Variants in SLC37A3 observed in about 807,000 individuals in gnomAD.
SLC37A3 encodes sugar phosphate exchanger 3.
Under a neutral mutation model 67.1 loss-of-function variants are expected in SLC37A3, and 51 were observed. The ratio of observed to expected loss-of-function variants is 0.76; its 90% confidence interval spans 0.61 to 0.96. SLC37A3 has a LOEUF of 0.96. Among genes scored for constraint, SLC37A3 ranks in the 40% least tolerant of loss-of-function variants. The pLI is 0.00. For missense variants in SLC37A3, 508 were observed against 603.0 expected (o/e 0.84, Z 1.65); for synonymous variants, 214 against 231.4 (o/e 0.92, Z 0.68).
Position 140,355,992 on chromosome 7 carries a change from C to T in SLC37A3, c.522-228G>A, listed in dbSNP as rs187523036. Among the ~76,000 whole-genome samples, 137 of 151,932 alleles carry T rather than the reference C, an allele frequency of 9.0e-4. 1 individual carries two copies. In the East Asian group the frequency reaches 0.017, roughly 19 times the overall value. The stretch of plus-strand genomic sequence containing the variant: ...GACAGATCACCTGAGGTCAGGAGTT[C>T]GAGACCAGCCTGACCAACATGGAGA... On this transcript the variant is annotated intron_variant, in intron 6 of 14. Coordinates refer to ENST00000326232, the MANE Select transcript of SLC37A3 (RefSeq NM_207113.3).
chr7:140,378,804 A>T (rs866434255), intron 3 of SLC37A3, among the ~76,000 whole-genome samples: 9 of 151,842 alleles, frequency 5.9e-5, no homozygotes, highest in Middle Eastern at 3.4e-3. Flanking sequence ...TACCAACACT[A>T]TGGGGAGGCC....
Position 140,369,596 on chromosome 7 carries a change from A to G in SLC37A3, c.285T>C (p.Tyr95=), listed in dbSNP as rs752502203. The G allele has an allele frequency of 9.9e-6, 16 of 1,613,914 alleles. No homozygotes were observed. The highest frequency in any genetic ancestry group is 1.2e-5 in the Non-Finnish European group (14 of 1,179,854). ...CTAGAGTTCCAAAACTTACCACAGCATAGGAGAAGAGGAAAATGGTATCCA... is the reference window on the plus strand; with the variant it reads ...CTAGAGTTCCAAAACTTACCACAGCGTAGGAGAAGAGGAAAATGGTATCCA... ...GTLDTIFLFS[Y]AVGLFISGIV... is the part of the protein sequence containing the mutation. Residue 95 remains tyrosine (Y), a synonymous_variant, in exon 4 of 15, where the codon TAT becomes TAC. Transcript: ENST00000326232.
At chr7:140,346,842 C>T (rs767972787) in intron 10 of SLC37A3, among the ~76,000 whole-genome samples, 9 of 152,024 alleles carry the variant, frequency 5.9e-5, no homozygotes, top group African/African-American at 9.7e-5. Context: ...TGTGGTGAAC[C>T]GTATCGTGCT....
intron 3 of SLC37A3, 92 bp downstream of exon 3, chr7:140,380,190 G>A (rs557350412): frequency 2.7e-5 from 18 of 668,050 alleles, no homozygotes; most frequent in African/African-American, 2.4e-4. Flanking sequence ...CAGAGTCTAG[G>A]CAAGTAAAAG....
intron 1 of SLC37A3, among the ~76,000 whole-genome samples, chr7:140,393,992 G>A (rs1010883226): frequency 6.6e-6 from 1 of 152,034 alleles, no homozygotes; most frequent in African/African-American, 2.4e-5. Context: ...GCAATATGGT[G>A]AAACCCTGTC....
chr7:140,357,692 G>A (rs567441793), intron 6 of SLC37A3, among the ~76,000 whole-genome samples: 11 of 152,008 alleles, frequency 7.2e-5, no homozygotes, highest in South Asian at 4.1e-4. Context: ...TGAGGCGGGC[G>A]AAATCACCTG....
Position 140,346,086 on chromosome 7 carries a change from A to C in SLC37A3, c.1025-116T>G, listed in dbSNP as rs376630981. On this transcript the variant is annotated intron_variant, in intron 10 of 14. Coordinates refer to ENST00000326232, the MANE Select transcript of SLC37A3 (RefSeq NM_207113.3). ...CAGCAGCCTGACACTAGTCTATCAA[A>C]AAATATGGCTGGGCCGGGCTCGGTG... 1.1e-4 allele frequency: 79 copies of C among 742,112 alleles called. No individual in the cohort carries two copies. In the African/African-American group the frequency reaches 1.2e-3, roughly 11 times the overall value. The allele number at this position is 742,112 out of a possible 1,614,324, so 46.0% of individuals were successfully genotyped here.
intron 3 of SLC37A3, among the ~76,000 whole-genome samples, chr7:140,373,719 G>A (rs1797913375): frequency 6.8e-6 from 1 of 146,682 alleles, no homozygotes; most frequent in Non-Finnish European, 1.5e-5. Flanking sequence ...ATGTCACCCA[G>A]GCTGCTCTTG....
intron 9 of SLC37A3, among the ~76,000 whole-genome samples, chr7:140,350,275 G>A (rs1432041677): frequency 2.0e-5 from 3 of 152,188 alleles, no homozygotes; most frequent in African/African-American, 7.2e-5. Context: ...CAGAAAGTTA[G>A]TGGGTAAGCT....
Position 140,389,659 on chromosome 7 carries a change from G to A in SLC37A3, c.-70-7063C>T, listed in dbSNP as rs1031159653. Among the ~76,000 whole-genome samples, 10 of 152,282 alleles carry A rather than the reference G, an allele frequency of 6.6e-5. No homozygotes were observed. In the East Asian group the frequency reaches 1.9e-3, roughly 29 times the overall value. On this transcript the variant is annotated intron_variant, in intron 1 of 14. Coordinates refer to ENST00000326232, the MANE Select transcript of SLC37A3 (RefSeq NM_207113.3). ...AGGCAGCAGGCAAGGTGAACCCACT[G>A]GGCGGTTACAATAGTGCGCAATCAC... is the stretch of plus-strand genomic sequence containing the variant.
intron 14 of SLC37A3, 150 bp from the exon 15 acceptor site, chr7:140,335,654 T>C: frequency 9.4e-7 from 1 of 1,064,544 alleles, no homozygotes; most frequent in Non-Finnish European, 1.3e-6. Context: ...AGAAAATGAT[T>C]TTGAAAATTA....
intron 9 of SLC37A3, among the ~76,000 whole-genome samples, chr7:140,350,787 A>T (rs1341582379): frequency 1.3e-5 from 2 of 151,372 alleles, no homozygotes; most frequent in Non-Finnish European, 2.9e-5. Flanking sequence ...AATAAATAAA[A>T]AATAAAAGGG....
At chr7:140,363,768 AAGG>A (rs1260423406) in intron 5 of SLC37A3, among the ~76,000 whole-genome samples, 1 of 144,420 alleles carries the variant, frequency 6.9e-6, no homozygotes, top group Non-Finnish European at 1.5e-5. Flanking sequence ...AAAAAAAAGA[AAGG>A]AGCGGGATGT....
At chr7:140,357,939 G>T (rs1020308994) in intron 6 of SLC37A3, among the ~76,000 whole-genome samples, 4 of 151,726 alleles carry the variant, frequency 2.6e-5, no homozygotes, top group African/African-American at 9.7e-5. Flanking sequence ...AGCTGGACAT[G>T]GTGGTACACA....
At chr7:140,355,058 T>C (rs1047730663) in intron 7 of SLC37A3, among the ~76,000 whole-genome samples, 4 of 151,756 alleles carry the variant, frequency 2.6e-5, no homozygotes, top group Non-Finnish European at 4.4e-5. Context: ...ATTAGTCCTT[T>C]ATCTGTAACA....
At chr7:140,389,513 C>T (rs974253612) in intron 1 of SLC37A3, among the ~76,000 whole-genome samples, 1 of 152,158 alleles carries the variant, frequency 6.6e-6, no homozygotes, top group African/African-American at 2.4e-5. Context: ...ACTCTGATCC[C>T]CGACTGCTCG....
At chr7:140,358,535 G>T in intron 6 of SLC37A3, 105 bp downstream of exon 6, 1 of 1,448,064 alleles carries the variant, frequency 6.9e-7, no homozygotes, top group Non-Finnish European at 9.5e-7. Flanking sequence ...AACGAAAGAT[G>T]TGGGTGGTAT....
intron 3 of SLC37A3, among the ~76,000 whole-genome samples, chr7:140,375,823 C>T (rs755221057): frequency 1.4e-4 from 22 of 152,196 alleles, no homozygotes; most frequent in Non-Finnish European, 2.6e-4. Context: ...TGCATTCTAT[C>T]GAAGATGAGA....
chr7:140,353,898 G>A (rs1315388717), intron 7 of SLC37A3, among the ~76,000 whole-genome samples: 1 of 152,112 alleles, frequency 6.6e-6, no homozygotes, highest in Non-Finnish European at 1.5e-5. Flanking sequence ...TTTTAGTAGA[G>A]ACAGGGTTTC....
Sources: gnomAD v4.1 joint callset for allele counts (sites outside exome capture counted in the v4.1 genomes callset) on GRCh38, gnomAD v4.1.1 for gene constraint, MANE v1.5 for transcripts, NCBI Gene and HGNC (gene_info 2026-07-23, HGNC 2026-07-21) for gene names.